Variants in LRRC7 observed in about 807,000 individuals in gnomAD.
LRRC7 encodes the protein leucine-rich repeat-containing protein 7.
LRRC7 carries 23 observed loss-of-function variants against 175.7 expected under a neutral mutation model. The observed-to-expected ratio is 0.13, with a 90% confidence interval of 0.09 to 0.19. The LOEUF (loss-of-function observed/expected upper bound fraction) is 0.19. Among genes scored for constraint, LRRC7 ranks in the 10% least tolerant of loss-of-function variants. The pLI, the probability that LRRC7 is intolerant of heterozygous loss-of-function variation, is 1.00. For missense variants in LRRC7, 1,354 were observed against 1,904.7 expected, an observed-to-expected ratio of 0.71 and a Z score of 5.38; for synonymous variants, 685 against 680.9, an observed-to-expected ratio of 1.01 and a Z score of -0.09.
intron 25 of LRRC7, among the ~76,000 whole-genome samples, chr1:70,090,953 G>T (rs1663986882): frequency 6.6e-6 from 1 of 151,992 alleles, no homozygotes; most frequent in African/African-American, 2.4e-5. Context: ...TCCGTTTTGG[G>T]GAAGGTCAGG....
rs116595709 is a variant in LRRC7 at position 70,070,187 on chromosome 1, G to A, written c.4231-5890G>A. Among the ~76,000 whole-genome samples, 597 of 152,074 alleles carry A rather than the reference G, an allele frequency of 3.9e-3. 3 individuals carry two copies. Among genetic ancestry groups the A allele is most frequent in the African/African-American group, 0.013 (555 of 41,476 alleles). ...TTTTTGTATTTCTTAAAAAGACAGC[G>A]TTTCGCCGTGTTGCCCAGGCTGGTC... On this transcript the variant is annotated intron_variant, in intron 23 of 26. Transcript: ENST00000651989.
chr1:69,982,125 A>G (rs951807372), intron 9 of LRRC7, among the ~76,000 whole-genome samples: 18 of 152,266 alleles, frequency 1.2e-4, no homozygotes, highest in African/African-American at 4.1e-4. Context: ...ATCAACTCAC[A>G]TGCCAAATTT....
In LRRC7 at chr1:69,997,465, C is replaced by T. The variant is rs1355349351; in HGVS notation, c.1004+2832C>T. Among the ~76,000 whole-genome samples the T allele has an allele frequency of 5.4e-4, 82 of 151,682 alleles. 1 individual carries two copies. Among genetic ancestry groups the T allele is most frequent in the African/African-American group, 1.8e-3 (76 of 41,336 alleles). On this transcript the variant is annotated intron_variant, in intron 11 of 26. Coordinates refer to ENST00000651989, the MANE Select transcript of LRRC7 (RefSeq NM_001370785.2). ...GAATAGGAGTGGTGAGAGAGGGCATCCCTGTCTTGTGCCAGTTTTCAAAGG... is the reference window on the plus strand; with the variant it reads ...GAATAGGAGTGGTGAGAGAGGGCATTCCTGTCTTGTGCCAGTTTTCAAAGG...
intron 2 of LRRC7, among the ~76,000 whole-genome samples, chr1:69,710,271 T>C: frequency 1.2e-5 from 1 of 85,812 alleles, no homozygotes; most frequent in African/African-American, 5.2e-5. Flanking sequence ...ATAGCAAGAC[T>C]CCGTCTCAAA....
At chr1:70,119,980 A>G (rs1183538842) in intron 26 of LRRC7, among the ~76,000 whole-genome samples, 5 of 152,120 alleles carry the variant, frequency 3.3e-5, no homozygotes, top group Admixed American at 3.3e-4. Flanking sequence ...AATTGAAGGC[A>G]TTAAGGTAGT....
At chr1:70,027,240 C>T (rs1331509339) in intron 17 of LRRC7, among the ~76,000 whole-genome samples, 1 of 151,978 alleles carries the variant, frequency 6.6e-6, no homozygotes, top group Admixed American at 6.6e-5. Flanking sequence ...TCCTTTTTTT[C>T]CCAGTCCCTT....
At chr1:69,606,045 G>C (rs962965209) in intron 1 of LRRC7, among the ~76,000 whole-genome samples, 2 of 152,134 alleles carry the variant, frequency 1.3e-5, no homozygotes, top group African/African-American at 4.8e-5. Context: ...AACTACAGTT[G>C]CTTTAAGTGC....
intron 1 of LRRC7, among the ~76,000 whole-genome samples, chr1:69,615,599 T>C (rs1405748942): frequency 6.6e-6 from 1 of 152,064 alleles, no homozygotes; most frequent in African/African-American, 2.4e-5. Flanking sequence ...AGTGGATTTA[T>C]TTTAAGCTAA....
In LRRC7 at chr1:70,125,198, G is replaced by T. The variant is rs2102253997; in HGVS notation, c.*3311G>T. On this transcript the variant is annotated 3_prime_UTR_variant, in exon 27 of 27. Transcript: ENST00000651989. ...GCTCATTGAAGCCTATAAAAGATAT[G>T]TATCTCCATTACTTAGAATTGTAAT... Among the ~76,000 whole-genome samples, 1 of 152,296 alleles carries T rather than the reference G, an allele frequency of 6.6e-6. No individual in the cohort carries two copies. Among genetic ancestry groups the T allele is most frequent in the South Asian group, 2.1e-4 (1 of 4,830 alleles).
chr1:70,141,462 T>A lies in LRRC7; in HGVS notation c.*19575T>A, dbSNP rs1667058601. 6.6e-6 allele frequency: 1 copy of A among 152,094 alleles called. No individual in the cohort carries two copies. Among genetic ancestry groups the A allele is most frequent in the Non-Finnish European group, 1.5e-5 (1 of 67,968 alleles). The allele number at this position is 152,094 out of a possible 1,614,324, so 9.4% of individuals were successfully genotyped here. A position where few individuals can be genotyped will look rare whatever the true frequency, so the allele number is the denominator to read the frequency against. ...TGGCACTAAATTATAGGCCTAGCAA[T>A]CCTAAATCTCCTATGTCCTCAATAT... is the stretch of plus-strand genomic sequence containing the variant. On this transcript the variant is annotated 3_prime_UTR_variant, in exon 27 of 27. Coordinates refer to ENST00000651989, the MANE Select transcript of LRRC7 (RefSeq NM_001370785.2).
rs554816161 is a variant in LRRC7 at position 69,664,005 on chromosome 1, G to A, written c.3-14376G>A. ...CAAAGTGCTGGAATTACAGGCGTGA[G>A]CCACCGCGCCCGGCCTCGTTTTAAT... is the stretch of plus-strand genomic sequence containing the variant. On this transcript the variant is annotated intron_variant, in intron 1 of 26. Transcript: ENST00000651989. Among the ~76,000 whole-genome samples the A allele has an allele frequency of 4.1e-4, 62 of 152,268 alleles. No homozygotes were observed. In the South Asian group the frequency reaches 6.8e-3, roughly 17 times the overall value.
intron 7 of LRRC7, chr1:69,874,567 T>G (rs1685871973): frequency 1.3e-5 from 2 of 152,154 alleles, no homozygotes; most frequent in South Asian, 2.1e-4. Context: ...CAGGACACAT[T>G]GCACTTACGG....
At position 69,902,538 on chromosome 1, in the gene LRRC7, C is replaced by T. The variant is rs564967079; in HGVS notation, c.648-28969C>T. Among the ~76,000 whole-genome samples, 6 of 151,972 alleles carry T rather than the reference C, an allele frequency of 3.9e-5. No homozygotes were observed. The South Asian group carries it at 1.2e-3, about 32-fold the overall frequency. On this transcript the variant is annotated intron_variant, in intron 7 of 26. Coordinates refer to ENST00000651989, the MANE Select transcript of LRRC7 (RefSeq NM_001370785.2). ...GTGAGCTGAGATTGCCATTGCATTCCAGCCTGTGTGACAGAGCCAGACCCT... is the reference window on the plus strand; with the variant it reads ...GTGAGCTGAGATTGCCATTGCATTCTAGCCTGTGTGACAGAGCCAGACCCT...
At chr1:70,087,785 T>A (rs1266160295) in intron 24 of LRRC7, among the ~76,000 whole-genome samples, 2 of 152,154 alleles carry the variant, frequency 1.3e-5, no homozygotes, top group African/African-American at 2.4e-5. Flanking sequence ...AAAATCACAT[T>A]AGTGCATAGT....
chr1:70,081,752 C>T (rs981045788), intron 24 of LRRC7, among the ~76,000 whole-genome samples: 1 of 152,194 alleles, frequency 6.6e-6, no homozygotes, highest in African/African-American at 2.4e-5. Context: ...CATGTCTGCC[C>T]TGGACAAGGG....
rs764026752 is a variant in LRRC7, at chr1:69,986,422, C to T, written c.931+36C>T. The T allele has an allele frequency of 4.5e-6, 7 of 1,564,864 alleles. 1 individual carries two copies. The South Asian group carries it at 8.1e-5, about 18-fold the overall frequency. ...AATATTTTGTCACAAATATTTATGT[C>T]AAATATACCATTTTCTTTTTTGGAA... On this transcript the variant is annotated intron_variant, in intron 10 of 26. Transcript: ENST00000651989.
intron 11 of LRRC7, among the ~76,000 whole-genome samples, chr1:69,996,788 T>A (rs1489085593): frequency 6.6e-6 from 1 of 151,792 alleles, no homozygotes; most frequent in African/African-American, 2.4e-5. Context: ...ACCATGCTGT[T>A]TTGGTTACTG....
chr1:70,039,399 G>C lies in LRRC7; in HGVS notation c.3575G>C (p.Arg1192Pro), dbSNP rs148814251. Residue 1192 changes from arginine to proline, a missense_variant, in exon 21 of 27, where the codon CGC becomes CCC. Around this residue, in one of 4 missense-constraint regions of LRRC7, gnomAD observed 1,032 missense variants for 1,227.2 expected, o/e 0.84. Coordinates refer to ENST00000651989, the MANE Select transcript of LRRC7 (RefSeq NM_001370785.2). Reference protein sequence around the residue: ...GRPPYRGGLDRQSSVTVTESQ... With the variant: ...GRPPYRGGLDPQSSVTVTESQ... ...CCCCCATATAGGGGAGGGCTGGATC[G>C]CCAAAGCAGCGTTACAGTGACTGAG... The C allele has an allele frequency of 6.2e-7, 1 of 1,613,972 alleles. No individual in the cohort carries two copies. Among genetic ancestry groups the C allele is most frequent in the Non-Finnish European group, 8.5e-7 (1 of 1,180,022 alleles).
rs1444408852 is a variant in LRRC7, at chr1:69,741,805, C to A, written c.101-18386C>A. Among the ~76,000 whole-genome samples, 4 of 151,868 alleles carry A rather than the reference C, an allele frequency of 2.6e-5. No individual in the cohort carries two copies. The East Asian group carries it at 7.7e-4, about 29-fold the overall frequency. ...CCTTTCTTCTGTACCTCCTTTCTGGCCACAGCTTCTTCAGGAGCCTTCTAA... is the reference window on the plus strand; with the variant it reads ...CCTTTCTTCTGTACCTCCTTTCTGGACACAGCTTCTTCAGGAGCCTTCTAA... On this transcript the variant is annotated intron_variant, in intron 2 of 26. Coordinates refer to ENST00000651989, the MANE Select transcript of LRRC7 (RefSeq NM_001370785.2).
Sources: allele counts gnomAD v4.1 joint callset (sites outside exome capture counted in the v4.1 genomes callset), GRCh38; gene constraint gnomAD v4.1.1; regional missense constraint gnomAD v4.1.1; transcripts MANE v1.5; gene names NCBI Gene and HGNC (gene_info 2026-07-23, HGNC 2026-07-21).